The following ZNF837 variants were observed in gnomAD, a reference collection of about 807,000 sequenced individuals.
ZNF837 encodes the protein zinc finger protein 837.
For missense variants in ZNF837, 955 were observed against 801.7 expected (o/e 1.19, Z -2.31); for synonymous variants, 475 against 365.2 (o/e 1.30, Z -3.43).
intron 1 of ZNF837, among the ~76,000 whole-genome samples, chr19:58,377,926 C>T (rs182246453): frequency 6.6e-6 from 1 of 152,216 alleles, no homozygotes; most frequent in Non-Finnish European, 1.5e-5. Flanking sequence ...TTCTCTCTCT[C>T]GAGTCCATCT....
In ZNF837 at chr19:58,368,207, A is replaced by G. The variant is rs1244850939; in HGVS notation, c.1126T>C (p.Ser376Pro). Residue 376 changes from serine (S) to proline (P), a missense_variant, in exon 3 of 3, where the codon TCG becomes CCG. Physicochemically the swap from Ser to Pro is moderately conservative, Grantham distance 74. Transcript: ENST00000597582. Reference protein sequence around the residue: ...ADCAKAFGLFSHLVEHRRVHT... With the variant: ...ADCAKAFGLFPHLVEHRRVHT... ...ACGCGCCGGTGCTCCACGAGGTGCG[A>G]GAACAGCCCGAAGGCCTTGGCGCAG... The G allele has an allele frequency of 3.2e-6, 5 of 1,553,030 alleles. No homozygotes were observed. Among genetic ancestry groups the G allele is most frequent in the Non-Finnish European group, 4.3e-6 (5 of 1,152,664 alleles).
At chr19:58,374,951 A>ATG (rs1184249861) in intron 1 of ZNF837, among the ~76,000 whole-genome samples, 1 of 124,012 alleles carries the variant, frequency 8.1e-6, no homozygotes, top group African/African-American at 3.1e-5. Flanking sequence ...AAAATTATAT[A>ATG]TATATATACA....
chr19:58,378,121 G>T (rs1010747222), intron 1 of ZNF837, among the ~76,000 whole-genome samples: 3 of 152,212 alleles, frequency 2.0e-5, no homozygotes, highest in African/African-American at 7.2e-5. Context: ...TTGGTCCAGG[G>T]TCATTGCCAG....
At chr19:58,376,554 CAAAAAAAAAAAAAAAAAAAA>C (rs59075587) in intron 1 of ZNF837, among the ~76,000 whole-genome samples, 8 of 67,768 alleles carry the variant, frequency 1.2e-4, no homozygotes, top group Non-Finnish European at 1.3e-4. Context: ...GACTCTGTCT[CAAAAAAAAAAAAAAAAAAAA>C]AAAAAAAAAA....
chr19:58,375,524 T>G (rs572272077), intron 1 of ZNF837, among the ~76,000 whole-genome samples: 1 of 151,748 alleles, frequency 6.6e-6, no homozygotes, highest in Admixed American at 6.6e-5. Context: ...CTCAGCTCAC[T>G]GCAACCTCTG....
At chr19:58,371,258 A>T (rs1222966324) in intron 1 of ZNF837, among the ~76,000 whole-genome samples, 1 of 149,530 alleles carries the variant, frequency 6.7e-6, no homozygotes, top group African/African-American at 2.5e-5. Flanking sequence ...AAAAAAAAAA[A>T]ATTGCCGGGC....
rs765177528 is a variant in ZNF837 at position 58,368,919 on chromosome 19, A to G, written c.414T>C (p.Ala138=). 853 of 1,547,018 alleles carry G rather than the reference A, an allele frequency of 5.5e-4. 1 individual carries two copies. The highest frequency in any genetic ancestry group is 6.8e-4 in the Non-Finnish European group (783 of 1,145,162). ...GGTCACACACGGGTGGCGTCTCCCC[A>G]GCGGGCGCCCCGCGATGCCACGCCA... ...SCLAWHRGAP[A]GETPPVCDPC... Residue 138 remains alanine, a synonymous_variant, in exon 3 of 3, where the codon GCT becomes GCC. Transcript: ENST00000597582.
intron 1 of ZNF837, among the ~76,000 whole-genome samples, chr19:58,373,900 A>T (rs62116389): frequency 0.048 from 7,381 of 152,288 alleles, 232 homozygotes; most frequent in Non-Finnish European, 0.074. Context: ...AGGGGGCGGG[A>T]CAAGATTTCA....
At position 58,368,587 on chromosome 19, in the gene ZNF837, C is replaced by T. The variant is rs1416541894; in HGVS notation, c.746G>A (p.Cys249Tyr). The change falls in exon 3 of 3, where the codon TGT becomes TAT. Residue 249 changes from cysteine to tyrosine, a missense_variant. Transcript: ENST00000597582. Reference sequence around the variant, plus strand: ...TCGCGAGGTTTGGCCGCACTCAGGACACACTGGGGGACTCTTGCCCGCCTG... The same window carrying T: ...TCGCGAGGTTTGGCCGCACTCAGGATACACTGGGGGACTCTTGCCCGCCTG... Reference protein sequence around the residue: ...QQQAGKSPPVCPECGQTSRPR... With the variant: ...QQQAGKSPPVYPECGQTSRPR... 5 of 1,535,900 alleles carry T rather than the reference C, an allele frequency of 3.3e-6. No homozygotes were observed. The highest frequency in any genetic ancestry group is 4.4e-6 in the Non-Finnish European group (5 of 1,144,852).
rs189904386 is a variant in ZNF837 at position 58,374,518 on chromosome 19, G to A, written c.-139-4590C>T. On this transcript the variant is annotated intron_variant, in intron 1 of 2. Coordinates refer to ENST00000597582, the MANE Select transcript of ZNF837 (RefSeq NM_138466.2). ...ACAGAAAGTAGACTGGTGGTCGCCAGGGGCTGAGGGGAAAGAGTGGGGAGT... is the reference window on the plus strand; with the variant it reads ...ACAGAAAGTAGACTGGTGGTCGCCAAGGGCTGAGGGGAAAGAGTGGGGAGT... 1.5e-3 allele frequency among the ~76,000 whole-genome samples: 228 copies of A among 152,212 alleles called. 1 individual carries two copies. Among genetic ancestry groups the A allele is most frequent in the East Asian group, 3.1e-3 (16 of 5,196 alleles).
At chr19:58,373,479 G>A (rs965839959) in intron 1 of ZNF837, among the ~76,000 whole-genome samples, 1 of 152,222 alleles carries the variant, frequency 6.6e-6, no homozygotes, top group Non-Finnish European at 1.5e-5. Flanking sequence ...CCACGCAGGT[G>A]GAAGGGTGTG....
intron 1 of ZNF837, among the ~76,000 whole-genome samples, chr19:58,378,376 T>C (rs1318998217): frequency 6.6e-6 from 1 of 152,208 alleles, no homozygotes; most frequent in African/African-American, 2.4e-5. Flanking sequence ...ATGGAGGGAC[T>C]TGGGCACCTG....
chr19:58,369,097 CG>C lies in ZNF837; in HGVS notation c.235del (p.Arg79GlyfsTer328). ...SLGVSPGPGT[R>X]HSAGTRPLVR... Reference sequence around the variant, plus strand: ...GAGGGGTCTGGTCCCGGCGCTGTGCCGGGTCCCCGGGCCGGGGCTCACCCCG... The same window carrying C: ...GAGGGGTCTGGTCCCGGCGCTGTGCCGGTCCCCGGGCCGGGGCTCACCCCG... On this transcript the variant is annotated frameshift_variant, in exon 3 of 3. Coordinates refer to ENST00000597582, the MANE Select transcript of ZNF837 (RefSeq NM_138466.2). LOFTEE classifies it low-confidence loss of function (END_TRUNC). The C allele has an allele frequency of 1.3e-6, 2 of 1,507,194 alleles. No homozygotes were observed. The highest frequency in any genetic ancestry group is 2.5e-5 in the South Asian group (2 of 78,548). The allele number at this position is 1,507,194 out of a possible 1,614,324, so 93.4% of individuals were successfully genotyped here. A position where few individuals can be genotyped will look rare whatever the true frequency, so the allele number is the denominator to read the frequency against.
Position 58,368,320 on chromosome 19 carries a change from CG to C in ZNF837, c.1012del (p.Arg338GlyfsTer69), listed in dbSNP as rs773732479. 3.4e-6 allele frequency: 5 copies of C among 1,491,956 alleles called. No homozygotes were observed. The highest frequency in any genetic ancestry group is 4.4e-6 in the Non-Finnish European group (5 of 1,130,268). The allele number at this position is 1,491,956 out of a possible 1,614,324, so 92.4% of individuals were successfully genotyped here. Reference sequence around the variant, plus strand: ...GTCCCCGCAGGGCGGGCACCCCAGCCGGAAGGCGCGCCGCGCCAGGACGGGG... The same window carrying C: ...GTCCCCGCAGGGCGGGCACCCCAGCCGAAGGCGCGCCGCGCCAGGACGGGG... ...RGPVLARRAF[R>X]LGCPPCGDYS... On this transcript the variant is annotated frameshift_variant, in exon 3 of 3. Coordinates refer to ENST00000597582, the MANE Select transcript of ZNF837 (RefSeq NM_138466.2). LOFTEE classifies it low-confidence loss of function (END_TRUNC).
chr19:58,368,325 G>C lies in ZNF837; in HGVS notation c.1008C>G (p.Ala336=). 1 of 1,497,104 alleles carries C rather than the reference G, an allele frequency of 6.7e-7. No homozygotes were observed. Among genetic ancestry groups the C allele is most frequent in the South Asian group, 1.3e-5 (1 of 77,498 alleles). 92.7% of individuals were successfully genotyped at this position (1,497,104 alleles called of 1,614,324 possible). ...HRRGPVLARR[A]FRLGCPPCGD... is the part of the protein sequence containing the mutation. ...CGCAGGGCGGGCACCCCAGCCGGAA[G>C]GCGCGCCGCGCCAGGACGGGGCCAC... Residue 336 remains alanine (A), a synonymous_variant, in exon 3 of 3, where the codon GCC becomes GCG. Transcript: ENST00000597582.
chr19:58,377,288 C>T (rs369477997), intron 1 of ZNF837, among the ~76,000 whole-genome samples: 3 of 150,482 alleles, frequency 2.0e-5, no homozygotes, highest in African/African-American at 7.3e-5. Context: ...GGGCAGATCA[C>T]GAGGTCAGGA....
chr19:58,377,560 C>T (rs1185374603), intron 1 of ZNF837, among the ~76,000 whole-genome samples: 1 of 151,874 alleles, frequency 6.6e-6, no homozygotes, highest in Non-Finnish European at 1.5e-5. Flanking sequence ...ATCGCTTGAG[C>T]CTGGGAGATT....
chr19:58,369,018 G>A lies in ZNF837; in HGVS notation c.315C>T (p.Pro105=), dbSNP rs1337867158. 9 of 1,513,836 alleles carry A rather than the reference G, an allele frequency of 5.9e-6. No individual in the cohort carries two copies. Among genetic ancestry groups the A allele is most frequent in the African/African-American group, 4.2e-5 (3 of 72,016 alleles). The allele number at this position is 1,513,836 out of a possible 1,614,324, so 93.8% of individuals were successfully genotyped here. A position where few individuals can be genotyped will look rare whatever the true frequency, so the allele number is the denominator to read the frequency against. The change falls in exon 3 of 3, where the codon CCC becomes CCT. Residue 105 remains proline (P), a synonymous_variant. Transcript: ENST00000597582. ...GGCCCTCCCGGGCTTGCAGCCCCTC[G>A]GGGATAACCAGCTCAGGGTTCTGAG... The part of the protein sequence containing the change: ...TSSQNPELVI[P]EGLQAREGPC...
At chr19:58,371,972 C>T (rs1366025551) in intron 1 of ZNF837, among the ~76,000 whole-genome samples, 4 of 152,106 alleles carry the variant, frequency 2.6e-5, no homozygotes, top group Admixed American at 6.5e-5. Flanking sequence ...CTGCCCACCT[C>T]GGCCTCCCAA....
Sources: gnomAD v4.1 joint callset for allele counts (sites outside exome capture counted in the v4.1 genomes callset) on GRCh38, gnomAD v4.1.1 for gene constraint, MANE v1.5 for transcripts, NCBI Gene and HGNC (gene_info 2026-07-23, HGNC 2026-07-21) for gene names.